The following NLGN1 variants were observed in gnomAD, a reference collection of about 807,000 sequenced individuals.
NLGN1 encodes the protein neuroligin-1.
A neutral mutation model predicts 65.5 loss-of-function variants in NLGN1; 12 were observed. That is an observed-to-expected ratio of 0.18 (90% CI 0.12 to 0.30). The LOEUF is 0.30. Among genes scored for constraint, NLGN1 ranks in the 10% least tolerant of loss-of-function variants. NLGN1 has a pLI of 1.00. For synonymous variants in NLGN1, 350 were observed against 359.5 expected, an observed-to-expected ratio of 0.97 and a Z score of 0.30; for missense variants, 750 against 1,007.1, an observed-to-expected ratio of 0.74 and a Z score of 3.46.
chr3:174,269,438 C>G (rs763098314), intron 4 of NLGN1, among the ~76,000 whole-genome samples: 11 of 151,816 alleles, frequency 7.2e-5, no homozygotes, highest in Non-Finnish European at 1.3e-4. Context: ...ACAGTATTTG[C>G]TTTTTTTGTG....
chr3:174,283,289 T>G (rs1248882326), exon 7 of NLGN1: 2 of 151,370 alleles, frequency 1.3e-5, no homozygotes, highest in Non-Finnish European at 3.0e-5. Context: ...AAGATGAAAC[T>G]CATAAAAATT....
At chr3:174,088,755 T>TA (rs1414238466) in intron 4 of NLGN1, among the ~76,000 whole-genome samples, 8 of 123,832 alleles carry the variant, frequency 6.5e-5, no homozygotes, top group Non-Finnish European at 1.4e-4. Flanking sequence ...TCCATCTCAA[T>TA]AAAAATAAAT....
intron 4 of NLGN1, among the ~76,000 whole-genome samples, chr3:173,970,496 G>A (rs528923875): frequency 1.3e-5 from 2 of 152,156 alleles, no homozygotes; most frequent in African/African-American, 4.8e-5. Flanking sequence ...AGTAGATTAA[G>A]TAGGAAGGGA....
chr3:174,136,866 G>T (rs1009738183), intron 4 of NLGN1, among the ~76,000 whole-genome samples: 9 of 152,076 alleles, frequency 5.9e-5, no homozygotes. Flanking sequence ...TGTTACAGAT[G>T]CTCCTTGACT....
At chr3:173,684,881 T>C (rs1027656428) in intron 3 of NLGN1, among the ~76,000 whole-genome samples, 1 of 152,216 alleles carries the variant, frequency 6.6e-6, no homozygotes, top group African/African-American at 2.4e-5. Context: ...TGGAGTGTTA[T>C]TACAAAAGCC....
At position 174,264,975 on chromosome 3, in the gene NLGN1, G is replaced by A. The variant is rs181183675; in HGVS notation, c.647-10340G>A. 0.012 allele frequency among the ~76,000 whole-genome samples: 1,896 copies of A among 152,238 alleles called. 107 individuals are homozygous for A. The East Asian group carries it at 0.17, about 14-fold the overall frequency. ...TGTCAGTGTGCCCCTGCTGGGGGGTGCCTCCCATTTAGGCTGCTCGGGGGT... is the reference window on the plus strand; with the variant it reads ...TGTCAGTGTGCCCCTGCTGGGGGGTACCTCCCATTTAGGCTGCTCGGGGGT... On this transcript the variant is annotated intron_variant, in intron 4 of 6. Coordinates refer to ENST00000457714, the Ensembl canonical transcript of NLGN1.
At chr3:173,852,766 G>T (rs1477144421) in intron 4 of NLGN1, among the ~76,000 whole-genome samples, 1 of 152,074 alleles carries the variant, frequency 6.6e-6, no homozygotes, top group East Asian at 1.9e-4. Context: ...TTCTAGTGGA[G>T]CTTTAATATT....
chr3:173,717,424 G>A (rs1770041491), intron 3 of NLGN1, among the ~76,000 whole-genome samples: 1 of 152,076 alleles, frequency 6.6e-6, no homozygotes, highest in Non-Finnish European at 1.5e-5. Context: ...TAAAAGGTTG[G>A]AAACTAAAGG....
intron 1 of NLGN1, among the ~76,000 whole-genome samples, chr3:173,434,831 G>A (rs1467710230): frequency 3.3e-5 from 5 of 152,212 alleles, no homozygotes. Flanking sequence ...AATAATGGTT[G>A]TTGTTGGAAA....
intron 4 of NLGN1, among the ~76,000 whole-genome samples, chr3:173,829,123 A>T (rs1721952878): frequency 6.6e-6 from 1 of 152,076 alleles, no homozygotes; most frequent in East Asian, 1.9e-4. Flanking sequence ...TTGGACCAGG[A>T]TGGTGAGCGT....
chr3:174,148,805 A>G (rs540586898), intron 4 of NLGN1, among the ~76,000 whole-genome samples: 1 of 152,246 alleles, frequency 6.6e-6, no homozygotes, highest in East Asian at 1.9e-4. Context: ...CCCTGGCCCT[A>G]GTATGTGCAT....
chr3:174,052,876 G>A (rs1211561071), intron 4 of NLGN1, among the ~76,000 whole-genome samples: 2 of 151,936 alleles, frequency 1.3e-5, no homozygotes, highest in African/African-American at 4.8e-5. Context: ...ATTTTACAAA[G>A]CCACCTGCTT....
chr3:173,522,574 G>T (rs1734940901), intron 2 of NLGN1, among the ~76,000 whole-genome samples: 2 of 150,920 alleles, frequency 1.3e-5, no homozygotes, highest in Non-Finnish European at 3.0e-5. Context: ...GGAACTACAG[G>T]TGCCCGCCAC....
chr3:174,017,703 A>G (rs933648423), intron 4 of NLGN1, among the ~76,000 whole-genome samples: 1 of 152,130 alleles, frequency 6.6e-6, no homozygotes, highest in African/African-American at 2.4e-5. Context: ...AAAACCAGCA[A>G]GTTTTTATTA....
chr3:174,214,979 A>G (rs946865465), intron 4 of NLGN1, among the ~76,000 whole-genome samples: 1 of 152,174 alleles, frequency 6.6e-6, no homozygotes, highest in African/African-American at 2.4e-5. Context: ...AAGAAGGGGA[A>G]AATGGGTATT....
chr3:173,517,383 T>G (rs1223378223), intron 2 of NLGN1, among the ~76,000 whole-genome samples: 2 of 152,166 alleles, frequency 1.3e-5, no homozygotes, highest in Non-Finnish European at 2.9e-5. Flanking sequence ...CTCAGAAAAC[T>G]TCTTGCAAAA....
At chr3:174,220,290 T>G (rs188388443) in intron 4 of NLGN1, among the ~76,000 whole-genome samples, 2 of 152,202 alleles carry the variant, frequency 1.3e-5, no homozygotes, top group Admixed American at 1.3e-4. Flanking sequence ...ATAAACTGAG[T>G]GGACCAATAA....
chr3:173,419,220 C>T (rs1398684484), intron 1 of NLGN1, among the ~76,000 whole-genome samples: 2 of 150,806 alleles, frequency 1.3e-5, no homozygotes, highest in South Asian at 2.1e-4. Flanking sequence ...AGACAAAGTA[C>T]ATGAGTATAC....
At chr3:173,853,682 T>G (rs1727407008) in intron 4 of NLGN1, among the ~76,000 whole-genome samples, 1 of 152,072 alleles carries the variant, frequency 6.6e-6, no homozygotes. Flanking sequence ...GTAATATGTC[T>G]TTTGAAAAAC....
Sources: allele counts gnomAD v4.1 joint callset (sites outside exome capture counted in the v4.1 genomes callset), GRCh38; gene constraint gnomAD v4.1.1; transcripts MANE v1.5; gene names NCBI Gene and HGNC (gene_info 2026-07-23, HGNC 2026-07-21).